PLA2G3: variants seen among roughly 807,000 people sequenced by gnomAD.
PLA2G3 encodes phospholipase A2 group III.
A neutral mutation model predicts 51.3 loss-of-function variants in PLA2G3; 39 were observed. The observed-to-expected ratio is 0.76, with a 90% CI of 0.59 to 0.99. PLA2G3 has a LOEUF of 0.99. Ranked by LOEUF, PLA2G3 falls within the 50% of genes least tolerant of loss-of-function variation. The pLI, the probability that PLA2G3 is intolerant of heterozygous loss-of-function variation, is 0.00. For missense variants in PLA2G3, 677 were observed against 662.1 expected (o/e 1.02, Z -0.25); for synonymous variants, 293 against 263.1 (o/e 1.11, Z -1.10).
At position 31,137,871 on chromosome 22, in the gene PLA2G3, G is replaced by T. The variant is rs375177383; in HGVS notation, c.905C>A (p.Pro302His). Residue 302 changes from proline (P) to histidine (H), a missense_variant, in exon 4 of 7, where the codon CCT (proline) becomes CAT (histidine). By Grantham distance (77) the Pro-to-His change is moderately conservative. Coordinates refer to ENST00000215885, the MANE Select transcript of PLA2G3 (RefSeq NM_015715.5). ...CTTCCGAAGGTGCTGCTTCTGTCGAGGCTTGGGAGGGGCTGGGCTCCGGGA... is the reference window on the plus strand; with the variant it reads ...CTTCCGAAGGTGCTGCTTCTGTCGATGCTTGGGAGGGGCTGGGCTCCGGGA... ...PSSRSPAPPK[P>H]RQKQHLRKGP... 5 of 1,614,086 alleles carry T rather than the reference G, an allele frequency of 3.1e-6. No homozygotes were observed. In the South Asian group the frequency reaches 3.3e-5, roughly 11 times the overall value.
At position 31,137,177 on chromosome 22, in the gene PLA2G3, C is replaced by G. The variant is rs139169625; in HGVS notation, c.1067-137G>C. 1,458 of 956,490 alleles carry G rather than the reference C, an allele frequency of 1.5e-3. 18 individuals are homozygous for G. The African/African-American group carries it at 0.023, about 15-fold the overall frequency. 59.3% of individuals were successfully genotyped at this position (956,490 alleles called of 1,614,324 possible). A position where few individuals can be genotyped will look rare whatever the true frequency, so the allele number is the denominator to read the frequency against. ...TCCCTCCATTTCATGCCTTCTGAGT[C>G]TTTGTGCCCTCAGTGTGCCGCCCTT... On this transcript the variant is annotated intron_variant, in intron 4 of 6. Coordinates refer to ENST00000215885, the MANE Select transcript of PLA2G3 (RefSeq NM_015715.5).
chr22:31,140,302 A>G lies in PLA2G3; in HGVS notation c.53T>C (p.Leu18Pro). The G allele has an allele frequency of 6.2e-7, 1 of 1,610,774 alleles. No individual in the cohort carries two copies. Among genetic ancestry groups the G allele is most frequent in the Non-Finnish European group, 8.5e-7 (1 of 1,179,558 alleles). Residue 18 changes from leucine (L) to proline (P), a missense_variant, in exon 1 of 7, where the codon CTG becomes CCG. By Grantham distance (98) the Leu-to-Pro change is moderately conservative. Transcript: ENST00000215885. ...FGMLGFLGVALGGSPALRWYR... is the reference protein window; with the variant it reads ...FGMLGFLGVAPGGSPALRWYR... ...CCAGCGGAGGGCAGGGGAGCCCCCCAGGGCCACCCCCAGGAAGCCCAGCAT... is the reference window on the plus strand; with the variant it reads ...CCAGCGGAGGGCAGGGGAGCCCCCCGGGGCCACCCCCAGGAAGCCCAGCAT...
Position 31,138,000 on chromosome 22 carries a change from G to A in PLA2G3, c.783-7C>T. 1 of 1,531,142 alleles carries A rather than the reference G, an allele frequency of 6.5e-7. No individual in the cohort carries two copies. Among genetic ancestry groups the A allele is most frequent in the Non-Finnish European group, 8.7e-7 (1 of 1,145,576 alleles). The allele number at this position is 1,531,142 out of a possible 1,614,324, so 94.8% of individuals were successfully genotyped here. A position where few individuals can be genotyped will look rare whatever the true frequency, so the allele number is the denominator to read the frequency against. ...TGTGCCGTACATCCTACACCTGGGT[G>A]GTGGCAGTTGGTGGAAATTGGTGAC... On this transcript the variant is annotated splice_polypyrimidine_tract_variant and splice_region_variant and intron_variant, in intron 3 of 6. Coordinates refer to ENST00000215885, the MANE Select transcript of PLA2G3 (RefSeq NM_015715.5).
In PLA2G3 at chr22:31,140,157, C is replaced by T. The variant is rs1397292333; in HGVS notation, c.198G>A (p.Arg66=). 4 of 1,612,696 alleles carry T rather than the reference C, an allele frequency of 2.5e-6. No homozygotes were observed. The South Asian group carries it at 4.4e-5, about 18-fold the overall frequency. ...CCTCCCAGCTACATGACTGCAGCCTCCTATGCGCATCCCAGCGGGCATGGA... is the reference window on the plus strand; with the variant it reads ...CCTCCCAGCTACATGACTGCAGCCTTCTATGCGCATCCCAGCGGGCATGGA... ...ALIHARWDAH[R]RLQSCSWEDE... The change falls in exon 1 of 7, where the codon AGG becomes AGA. Residue 66 remains arginine (R), a synonymous_variant. Coordinates refer to ENST00000215885, the MANE Select transcript of PLA2G3 (RefSeq NM_015715.5).
rs750589690 is a variant in PLA2G3 at position 31,140,048 on chromosome 22, C to T, written c.307G>A (p.Glu103Lys). Reference protein sequence around the residue: ...WGSFIHTPGPELQRALATLQS... With the variant: ...WGSFIHTPGPKLQRALATLQS... ...AGAGTGGCCAGTGCTCTCTGCAGCT[C>T]GGGTCCGGGGGTGTGGATGAAGGAG... is the stretch of plus-strand genomic sequence containing the variant. The change falls in exon 1 of 7, where the codon GAG becomes AAG. Residue 103 changes from glutamate (E) to lysine (K), a missense_variant. By Grantham distance (56) the Glu-to-Lys change is moderately conservative. Coordinates refer to ENST00000215885, the MANE Select transcript of PLA2G3 (RefSeq NM_015715.5). The T allele has an allele frequency of 1.9e-5, 31 of 1,613,526 alleles. No homozygotes were observed. Among genetic ancestry groups the T allele is most frequent in the Non-Finnish European group, 1.5e-5 (18 of 1,180,040 alleles).
At chr22:31,137,464 G>A (rs1343554857) in intron 4 of PLA2G3, among the ~76,000 whole-genome samples, 1 of 152,190 alleles carries the variant, frequency 6.6e-6, no homozygotes, top group Non-Finnish European at 1.5e-5. Flanking sequence ...AAGGCTTGAG[G>A]GCCTCTGGGT....
At position 31,137,756 on chromosome 22, in the gene PLA2G3, C is replaced by T; in HGVS notation, c.1020G>A (p.Val340=). The change falls in exon 4 of 7, where the codon GTG becomes GTA. Residue 340 remains valine (V), a synonymous_variant. Coordinates refer to ENST00000215885, the MANE Select transcript of PLA2G3 (RefSeq NM_015715.5). ...GTGGGCCCTGGAGGCCTGTGGGGGC[C>T]ACATCAAGCCTGGGAGAGACCATAG... The part of the protein sequence containing the change: ...QDPMVSPRLD[V]APTGLQGPQG... 6.2e-7 allele frequency: 1 copy of T among 1,613,306 alleles called. No homozygotes were observed. Among genetic ancestry groups the T allele is most frequent in the South Asian group, 1.1e-5 (1 of 91,002 alleles).
At chr22:31,136,041 A>G in intron 6 of PLA2G3, 105 bp from the exon 7 acceptor site, 1 of 894,508 alleles carries the variant, frequency 1.1e-6, no homozygotes, top group Non-Finnish European at 1.7e-6. Context: ...CTGGGGCCAC[A>G]GTCACCAGCA....
intron 6 of PLA2G3, 93 bp from the exon 7 acceptor site, chr22:31,136,029 G>T (rs1421905457): frequency 9.6e-7 from 1 of 1,043,870 alleles, no homozygotes; most frequent in Non-Finnish European, 1.4e-6. Flanking sequence ...AGAGAGAGGG[G>T]GCTGGGGCCA....
chr22:31,140,491 GGGA>G lies in PLA2G3; in HGVS notation c.-140_-138del. Reference sequence around the variant, plus strand: ...CGGCGGGACCAATGAATGGAGCTGCGGGAGGAGGAGGAAAGAGGCTGGAGTATG... The same window carrying G: ...CGGCGGGACCAATGAATGGAGCTGCGGGAGGAGGAAAGAGGCTGGAGTATG... On this transcript the variant is annotated 5_prime_UTR_variant, in exon 1 of 7. Coordinates refer to ENST00000215885, the MANE Select transcript of PLA2G3 (RefSeq NM_015715.5). 5.4e-6 allele frequency: 5 copies of G among 931,100 alleles called. No individual in the cohort carries two copies. Among genetic ancestry groups the G allele is most frequent in the South Asian group, 1.7e-5 (1 of 58,932 alleles). 57.7% of individuals were successfully genotyped at this position (931,100 alleles called of 1,614,324 possible).
chr22:31,135,995 TG>T, intron 6 of PLA2G3, 59 bp from the exon 7 acceptor site: 1 of 1,406,672 alleles, frequency 7.1e-7, no homozygotes, highest in Non-Finnish European at 1.0e-6. Flanking sequence ...CACCTTACTC[TG>T]CAGACAGTGG....
chr22:31,135,342 T>G lies in PLA2G3; in HGVS notation c.*381A>C, dbSNP rs751037331. 2.0e-5 allele frequency: 4 copies of G among 200,810 alleles called. No homozygotes were observed. Among genetic ancestry groups the G allele is most frequent in the Non-Finnish European group, 3.1e-5 (3 of 98,148 alleles). 12.4% of individuals were successfully genotyped at this position (200,810 alleles called of 1,614,324 possible). ...CTCCCCTAGGCAGGTTTTTGAGGCA[T>G]GTATTATTTTTGCAACACGGACATA... On this transcript the variant is annotated 3_prime_UTR_variant, in exon 7 of 7. Coordinates refer to ENST00000215885, the MANE Select transcript of PLA2G3 (RefSeq NM_015715.5).
rs1922493543 is a variant in PLA2G3, at chr22:31,135,267, T to A, written c.*456A>T. Reference sequence around the variant, plus strand: ...TTCAGACACAGACATTTCTGTGACATCCCTAACTTCCCACCTGCTACCTCA... The same window carrying A: ...TTCAGACACAGACATTTCTGTGACAACCCTAACTTCCCACCTGCTACCTCA... On this transcript the variant is annotated 3_prime_UTR_variant, in exon 7 of 7. Transcript: ENST00000215885. 1 of 159,018 alleles carries A rather than the reference T, an allele frequency of 6.3e-6. No individual in the cohort carries two copies. Among genetic ancestry groups the A allele is most frequent in the Non-Finnish European group, 1.4e-5 (1 of 72,136 alleles). The allele number at this position is 159,018 out of a possible 1,614,324, so 9.9% of individuals were successfully genotyped here.
At chr22:31,136,042 G>A in intron 6 of PLA2G3, 106 bp from the exon 7 acceptor site, 2 of 897,118 alleles carry the variant, frequency 2.2e-6, no homozygotes, top group Admixed American at 4.5e-5. Flanking sequence ...TGGGGCCACA[G>A]TCACCAGCAA....
At position 31,138,730 on chromosome 22, in the gene PLA2G3, T is replaced by G. The variant is rs770726454; in HGVS notation, c.584A>C (p.Gln195Pro). The G allele has an allele frequency of 4.3e-6, 7 of 1,613,980 alleles. No homozygotes were observed. Residue 195 changes from glutamine to proline, a missense_variant, in exon 2 of 7, where the codon CAG (glutamine) becomes CCG (proline). Coordinates refer to ENST00000215885, the MANE Select transcript of PLA2G3 (RefSeq NM_015715.5). ...GTAGTTTCGGATGCCATAGTTGTAC[T>G]GCAAGGGTGAGATGTTCTGTGGGCA... Reference protein sequence around the residue: ...DRCPQNISPLQYNYGIRNYRF... With the variant: ...DRCPQNISPLPYNYGIRNYRF...
intron 4 of PLA2G3, among the ~76,000 whole-genome samples, chr22:31,137,251 A>G (rs1922630943): frequency 1.3e-5 from 2 of 152,208 alleles, no homozygotes; most frequent in Non-Finnish European, 2.9e-5. Flanking sequence ...TAGTACTGCT[A>G]TGGGGGACAC....
intron 6 of PLA2G3, 66 bp downstream of exon 6, chr22:31,136,617 A>G (rs1254154575): frequency 1.3e-5 from 17 of 1,295,134 alleles, no homozygotes; most frequent in Non-Finnish European, 1.9e-5. Context: ...CAAGCATTCA[A>G]AGTGGGTATA....
rs748673209 is a variant in PLA2G3 at position 31,138,798 on chromosome 22, C to T, written c.516G>A (p.Gly172=). 3 of 1,613,980 alleles carry T rather than the reference C, an allele frequency of 1.9e-6. No individual in the cohort carries two copies. Among genetic ancestry groups the T allele is most frequent in the Admixed American group, 3.3e-5 (2 of 60,008 alleles). Residue 172 remains glycine, a splice_region_variant and synonymous_variant, in exon 2 of 7, where the codon GGG becomes GGA. Transcript: ENST00000215885. Reference sequence around the variant, plus strand: ...AACAGAGATCAGGTCCCTGGAAGACCCCTGCAGGGAGGGGAGGGGAGAGGG... The same window carrying T: ...AACAGAGATCAGGTCCCTGGAAGACTCCTGCAGGGAGGGGAGGGGAGAGGG... ...GDSAGNSSEL[G]VFQGPDLCCR... is the part of the protein sequence containing the mutation.
Position 31,138,371 on chromosome 22 carries a change from C to T in PLA2G3, c.687G>A (p.Ser229=), listed in dbSNP as rs200843484. 2.2e-5 allele frequency: 36 copies of T among 1,613,928 alleles called. No homozygotes were observed. In the East Asian group the frequency reaches 5.3e-4, roughly 24 times the overall value. The change falls in exon 3 of 7, where the codon TCG becomes TCA. Residue 229 remains serine (S), a synonymous_variant. Transcript: ENST00000215885. ...TGAAGAAGGCCACGCCCACGATGTC[C>T]GAGATGGAGTCGTGCTGATTCTGTA... ...QCLQNQHDSI[S]DIVGVAFFNV... is the part of the protein sequence containing the mutation.
Sources: allele counts gnomAD v4.1 joint callset (sites outside exome capture counted in the v4.1 genomes callset), GRCh38; gene constraint gnomAD v4.1.1; transcripts MANE v1.5; gene names NCBI Gene and HGNC (gene_info 2026-07-23, HGNC 2026-07-21).